ADAMTSL1: variants seen among roughly 807,000 people sequenced by gnomAD.
ADAMTSL1 encodes the protein ADAMTS-like protein 1.
ADAMTSL1 carries 126 observed loss-of-function variants against 201.8 expected under a neutral mutation model. The observed-to-expected ratio is 0.62, with a 90% confidence interval of 0.54 to 0.72. The LOEUF (loss-of-function observed/expected upper bound fraction) is 0.72. ADAMTSL1 is among the 30% of genes least tolerant of loss of function. The pLI is 0.00. For missense variants in ADAMTSL1, 2,679 were observed against 2,277.8 expected (o/e 1.18, Z -3.59); for synonymous variants, 1,121 against 903.4 (o/e 1.24, Z -4.32).
intron 2 of ADAMTSL1, among the ~76,000 whole-genome samples, chr9:18,369,908 A>C (rs1340996518): frequency 6.6e-6 from 1 of 152,242 alleles, no homozygotes; most frequent in African/African-American, 2.4e-5. Context: ...ACTCAAATAC[A>C]GAAAATCAAA....
chr9:18,353,018 T>G (rs1190870044), intron 2 of ADAMTSL1, among the ~76,000 whole-genome samples: 4 of 152,146 alleles, frequency 2.6e-5, no homozygotes, highest in Non-Finnish European at 5.9e-5. Context: ...GACCCTTGAG[T>G]GTTAGCATGA....
chr9:18,546,380 C>G (rs1820467699), intron 3 of ADAMTSL1, among the ~76,000 whole-genome samples: 1 of 152,044 alleles, frequency 6.6e-6, no homozygotes, highest in Non-Finnish European at 1.5e-5. Flanking sequence ...GGTACAATCA[C>G]AGCTCACTAT....
At chr9:18,054,571 A>G (rs934112030) in intron 1 of ADAMTSL1, among the ~76,000 whole-genome samples, 9 of 152,188 alleles carry the variant, frequency 5.9e-5, no homozygotes, top group Admixed American at 1.3e-4. Context: ...CCAGGTCGAC[A>G]TGTTTTCTCA....
rs1156541706 is a variant in ADAMTSL1 at position 18,621,605 on chromosome 9, G to GT, written c.475-635dup. ...ACACACACACACACACACACAGTAAGTTTGTATCTGTTTGCTGATTCTCTC... is the reference window on the plus strand; with the variant it reads ...ACACACACACACACACACACAGTAAGTTTTGTATCTGTTTGCTGATTCTCTC... On this transcript the variant is annotated intron_variant, in intron 4 of 28. Coordinates refer to ENST00000380548, the MANE Select transcript of ADAMTSL1 (RefSeq NM_001040272.6). Among the ~76,000 whole-genome samples, 253 of 141,074 alleles carry GT rather than the reference G, an allele frequency of 1.8e-3. 1 individual carries two copies. The highest frequency in any genetic ancestry group is 6.2e-3 in the African/African-American group (238 of 38,182). 92.6% of individuals were successfully genotyped at this position (141,074 alleles called of 152,430 possible).
At chr9:18,833,903 A>G (rs377535069) in intron 23 of ADAMTSL1, among the ~76,000 whole-genome samples, 4 of 152,352 alleles carry the variant, frequency 2.6e-5, no homozygotes, top group East Asian at 3.9e-4. Context: ...AATCTTCTCT[A>G]TATGGCTAGC....
At chr9:18,527,548 T>C (rs1819162026) in intron 2 of ADAMTSL1, among the ~76,000 whole-genome samples, 1 of 152,168 alleles carries the variant, frequency 6.6e-6, no homozygotes, top group Non-Finnish European at 1.5e-5. Context: ...TGTTTGACCC[T>C]AGAGAAAAAT....
upstream of ADAMTSL1, among the ~76,000 whole-genome samples, chr9:18,470,998 C>T (rs1888067): frequency 0.35 from 52,623 of 152,054 alleles, 10,091 homozygotes; most frequent in Admixed American, 0.45. Flanking sequence ...ATTTGGCCAA[C>T]GCCCTGCTCA....
At chr9:18,150,957 G>A (rs757534950) in intron 1 of ADAMTSL1, among the ~76,000 whole-genome samples, 2 of 151,850 alleles carry the variant, frequency 1.3e-5, no homozygotes, top group African/African-American at 2.4e-5. Context: ...AAGGAAAGGA[G>A]GGGGCTAGTA....
At chr9:17,907,585 G>T (rs1256885826) in intron 1 of ADAMTSL1, among the ~76,000 whole-genome samples, 1 of 152,166 alleles carries the variant, frequency 6.6e-6, no homozygotes, top group South Asian at 2.1e-4. Flanking sequence ...GCCACACGGG[G>T]TGTATAAGGA....
intron 1 of ADAMTSL1, among the ~76,000 whole-genome samples, chr9:18,009,997 A>G (rs1174276936): frequency 6.6e-6 from 1 of 152,054 alleles, no homozygotes; most frequent in Non-Finnish European, 1.5e-5. Flanking sequence ...CTTCGAACCC[A>G]TGCATCAATG....
rs1443795596 is a variant in ADAMTSL1 at position 18,770,477 on chromosome 9, G to GT, written c.2218-120dup. 2.1e-5 allele frequency: 22 copies of GT among 1,044,898 alleles called. No individual in the cohort carries two copies. In the African/African-American group the frequency reaches 3.2e-4, roughly 15 times the overall value. The allele number at this position is 1,044,898 out of a possible 1,614,324, so 64.7% of individuals were successfully genotyped here. ...ACAAAATCCTTTGGGCCGATTCCTGGTTTTTCTTCTTCTTCTGGATTTTTT... is the reference window on the plus strand; with the variant it reads ...ACAAAATCCTTTGGGCCGATTCCTGGTTTTTTCTTCTTCTTCTGGATTTTTT... On this transcript the variant is annotated intron_variant, in intron 16 of 28. Transcript: ENST00000380548.
chr9:18,671,854 G>A lies in ADAMTSL1; in HGVS notation c.1086-4003G>A, dbSNP rs904185839. On this transcript the variant is annotated intron_variant, in intron 9 of 28. Coordinates refer to ENST00000380548, the MANE Select transcript of ADAMTSL1 (RefSeq NM_001040272.6). ...AGATCGAGACCATCCTGGCTAACAAGGTGAAACCCCATCTCTACTAAAAAT... is the reference window on the plus strand; with the variant it reads ...AGATCGAGACCATCCTGGCTAACAAAGTGAAACCCCATCTCTACTAAAAAT... 2.0e-5 allele frequency among the ~76,000 whole-genome samples: 3 copies of A among 152,148 alleles called. No individual in the cohort carries two copies. In the South Asian group the frequency reaches 6.2e-4, roughly 32 times the overall value.
At chr9:18,343,681 G>C (rs1008639600) in intron 2 of ADAMTSL1, among the ~76,000 whole-genome samples, 5 of 152,114 alleles carry the variant, frequency 3.3e-5, no homozygotes, top group Admixed American at 2.0e-4. Flanking sequence ...TTATTTCAGA[G>C]CTTTGTACAG....
intron 1 of ADAMTSL1, among the ~76,000 whole-genome samples, chr9:18,091,919 A>G (rs911225078): frequency 2.6e-5 from 4 of 152,132 alleles, no homozygotes; most frequent in Non-Finnish European, 5.9e-5. Flanking sequence ...GGAAATCACA[A>G]AGGTCCAAGA....
chr9:17,938,622 T>C (rs1257841075), intron 1 of ADAMTSL1, among the ~76,000 whole-genome samples: 2 of 152,148 alleles, frequency 1.3e-5, no homozygotes, highest in Non-Finnish European at 2.9e-5. Context: ...CTGCAGAAAG[T>C]TGTCAGCTGG....
At chr9:17,972,404 A>G (rs2131431420) in intron 1 of ADAMTSL1, among the ~76,000 whole-genome samples, 1 of 147,662 alleles carries the variant, frequency 6.8e-6, no homozygotes, top group East Asian at 2.0e-4. Context: ...ATGAGTGAGA[A>G]CATACGGTGT....
chr9:18,202,001 A>G (rs970819400), intron 2 of ADAMTSL1, among the ~76,000 whole-genome samples: 1 of 152,172 alleles, frequency 6.6e-6, no homozygotes, highest in Admixed American at 6.6e-5. Flanking sequence ...ACACTATTTT[A>G]TAAGAGAATA....
chr9:18,786,006 C>G (rs1366896469), intron 19 of ADAMTSL1, among the ~76,000 whole-genome samples: 2 of 152,162 alleles, frequency 1.3e-5, no homozygotes, highest in Non-Finnish European at 1.5e-5. Flanking sequence ...CAGGAGTAAC[C>G]CAAAATCACA....
At chr9:18,623,752 A>G (rs1305885950) in intron 5 of ADAMTSL1, among the ~76,000 whole-genome samples, 1 of 152,210 alleles carries the variant, frequency 6.6e-6, no homozygotes, top group Non-Finnish European at 1.5e-5. Flanking sequence ...AATTATTTTG[A>G]CATTGCTTGG....
Sources: allele counts gnomAD v4.1 joint callset (sites outside exome capture counted in the v4.1 genomes callset), GRCh38; gene constraint gnomAD v4.1.1; transcripts MANE v1.5; gene names NCBI Gene and HGNC (gene_info 2026-07-23, HGNC 2026-07-21).